CEP76: variants seen among roughly 807,000 people sequenced by gnomAD.
CEP76 encodes centrosomal protein of 76 kDa.
In CEP76, 55 loss-of-function variants were observed where a neutral mutation model predicts 83.3. The observed-to-expected ratio is 0.66, with a 90% CI of 0.53 to 0.83. The LOEUF (loss-of-function observed/expected upper bound fraction) is 0.83, where lower values mean the gene tolerates loss of function less well. CEP76 is among the 40% of genes least tolerant of loss of function. The probability of loss-of-function intolerance (pLI) is 0.00; values close to 1 mark genes in which losing one functional copy is unlikely to be tolerated. For missense variants in CEP76, 694 were observed against 799.5 expected, an observed-to-expected ratio of 0.87 and a Z score of 1.59; for synonymous variants, 270 against 274.5, an observed-to-expected ratio of 0.98 and a Z score of 0.16.
At chr18:12,684,188 C>A (rs2039456742) in intron 8 of CEP76, 1 of 152,038 alleles carries the variant, frequency 6.6e-6, no homozygotes, top group African/African-American at 2.4e-5. Context: ...CAAGGATGAT[C>A]TCGATCTCCT....
chr18:12,697,346 C>T lies in CEP76; in HGVS notation c.583G>A (p.Val195Met). Residue 195 changes from valine to methionine, a missense_variant, in exon 5 of 12, where the codon GTG (valine) becomes ATG (methionine). Coordinates refer to ENST00000262127, the MANE Select transcript of CEP76 (RefSeq NM_024899.4). ...CCAAATATGTCTGTTTTGATTAGCA[C>T]CATATGAATTGGATCACTTATTGAT... is the stretch of plus-strand genomic sequence containing the variant. Reference protein sequence around the residue: ...MLSISDPIHMVLIKTDIFGET... With the variant: ...MLSISDPIHMMLIKTDIFGET... The T allele has an allele frequency of 1.2e-6, 2 of 1,613,506 alleles. No individual in the cohort carries two copies. Among genetic ancestry groups the T allele is most frequent in the Non-Finnish European group, 1.7e-6 (2 of 1,179,628 alleles).
At chr18:12,702,730 C>CCGG (rs1170610508), upstream of CEP76, 116 of 650,756 alleles carry the variant, frequency 1.8e-4, 1 homozygote, top group African/African-American at 1.8e-3. Context: ...AAATGAGGCC[C>CCGG]CGGCGGCGGC....
intron 6 of CEP76, among the ~76,000 whole-genome samples, chr18:12,693,809 G>A (rs577145523): frequency 1.2e-3 from 179 of 152,046 alleles, no homozygotes; most frequent in African/African-American, 4.0e-3. Context: ...AACCCCTCAC[G>A]TATACACATA....
chr18:12,677,843 T>A (rs1239109102), intron 10 of CEP76, among the ~76,000 whole-genome samples: 1 of 152,196 alleles, frequency 6.6e-6, no homozygotes, highest in East Asian at 1.9e-4. Flanking sequence ...GCAAAAATCT[T>A]GACTCTAAGG....
Position 12,686,261 on chromosome 18 carries a change from C to T in CEP76, c.1122+1G>A. 6.2e-7 allele frequency: 1 copy of T among 1,609,044 alleles called. No individual in the cohort carries two copies. Among genetic ancestry groups the T allele is most frequent in the Non-Finnish European group, 8.5e-7 (1 of 1,176,000 alleles). ...TTAATTCTATTATGTGTGTATAATA[C>T]CTTGTTTCTACAGAGAAAGGCCAGC... On this transcript the variant is annotated splice_donor_variant, in intron 8 of 11. Coordinates refer to ENST00000262127, the MANE Select transcript of CEP76 (RefSeq NM_024899.4). LOFTEE classifies it high-confidence loss of function.
At chr18:12,675,212 A>G (rs1043290170) in intron 10 of CEP76, among the ~76,000 whole-genome samples, 1 of 152,066 alleles carries the variant, frequency 6.6e-6, no homozygotes, top group Non-Finnish European at 1.5e-5. Context: ...CTGGCTAACA[A>G]GGTGAAACCC....
chr18:12,683,297 A>G (rs2145030549), intron 8 of CEP76, among the ~76,000 whole-genome samples: 1 of 150,132 alleles, frequency 6.7e-6, no homozygotes, highest in East Asian at 2.0e-4. Flanking sequence ...GGTTGCAGTG[A>G]GTCGAGATCG....
chr18:12,692,723 G>T (rs966288270), intron 6 of CEP76, among the ~76,000 whole-genome samples: 8 of 152,216 alleles, frequency 5.3e-5, no homozygotes, highest in Admixed American at 3.9e-4. Context: ...TTGAGAGCAA[G>T]CTGTCTAGCT....
rs1334933664 is a variant in CEP76, at chr18:12,702,493, A to G, written c.56T>C (p.Leu19Pro). The change falls in exon 1 of 12, where the codon CTG becomes CCG. Residue 19 changes from leucine to proline, a missense_variant. Coordinates refer to ENST00000262127, the MANE Select transcript of CEP76 (RefSeq NM_024899.4). ...SELKQLIHQQ[L>P]SKMDVHGRIR... Reference sequence around the variant, plus strand: ...AGCACCCGCGACTCTCACCTTGCTCAGCTGCTGGTGGATGAGCTGCTTCAG... The same window carrying G: ...AGCACCCGCGACTCTCACCTTGCTCGGCTGCTGGTGGATGAGCTGCTTCAG... The G allele has an allele frequency of 6.2e-7, 1 of 1,608,774 alleles. No individual in the cohort carries two copies. The highest frequency in any genetic ancestry group is 1.3e-5 in the African/African-American group (1 of 74,446).
chr18:12,688,886 G>C (rs955442650), intron 7 of CEP76, among the ~76,000 whole-genome samples: 1 of 152,000 alleles, frequency 6.6e-6, no homozygotes, highest in African/African-American at 2.4e-5. Context: ...AGGCCGAGGC[G>C]GGCGGGTCAT....
At chr18:12,691,306 T>C in intron 7 of CEP76, 53 bp downstream of exon 7, 2 of 1,157,572 alleles carry the variant, frequency 1.7e-6, no homozygotes, top group Non-Finnish European at 2.5e-6. Flanking sequence ...TTTACACACA[T>C]AACAGTAAAT....
Position 12,699,170 on chromosome 18 carries a change from A to T in CEP76, c.329T>A (p.Leu110His). ...NIDPTRRYLY[L>H]QVLGGKAFLE... ...GAAAGCTTTTCCACCCAAAACCTGAAGGTAAAGATACCTCCGTGTTGGATC... is the reference window on the plus strand; with the variant it reads ...GAAAGCTTTTCCACCCAAAACCTGATGGTAAAGATACCTCCGTGTTGGATC... The change falls in exon 4 of 12, where the codon CTT (leucine) becomes CAT (histidine). Residue 110 changes from leucine (L) to histidine (H), a missense_variant. Leu to His is a moderately conservative substitution (Grantham distance 99). Transcript: ENST00000262127. 1.9e-6 allele frequency: 3 copies of T among 1,614,014 alleles called. No homozygotes were observed. The highest frequency in any genetic ancestry group is 2.5e-6 in the Non-Finnish European group (3 of 1,179,876).
Position 12,686,243 on chromosome 18 carries a change from T to C in CEP76, c.1122+19A>G. ...ACTATGATATACTGCTACTTAATTC[T>C]ATTATGTGTGTATAATACCTTGTTT... On this transcript the variant is annotated intron_variant, in intron 8 of 11. Transcript: ENST00000262127. The C allele has an allele frequency of 6.3e-7, 1 of 1,587,376 alleles. No individual in the cohort carries two copies. Among genetic ancestry groups the C allele is most frequent in the Non-Finnish European group, 8.6e-7 (1 of 1,162,000 alleles).
intron 12 of CEP76, among the ~76,000 whole-genome samples, chr18:12,666,436 G>GTATTT (rs1555640544): frequency 7.9e-5 from 10 of 126,624 alleles, no homozygotes; most frequent in African/African-American, 2.6e-4. Context: ...AAATTTTATG[G>GTATTT]TTTTTTTTTT....
At chr18:12,690,798 T>C (rs1333512331) in intron 7 of CEP76, among the ~76,000 whole-genome samples, 1 of 152,066 alleles carries the variant, frequency 6.6e-6, no homozygotes, top group Non-Finnish European at 1.5e-5. Context: ...AGAGAGAAAA[T>C]GGGTTTAGGA....
At chr18:12,691,928 T>C (rs1252229873) in intron 6 of CEP76, among the ~76,000 whole-genome samples, 1 of 151,990 alleles carries the variant, frequency 6.6e-6, no homozygotes, top group African/African-American at 2.4e-5. Context: ...ACCACATTGG[T>C]CAAGCTAGTC....
At chr18:12,668,972 C>T (rs1420809757), downstream of CEP76, among the ~76,000 whole-genome samples, 2 of 148,972 alleles carry the variant, frequency 1.3e-5, no homozygotes, top group Non-Finnish European at 3.0e-5. Context: ...AACTCCTGAT[C>T]CAGGTGATCT....
intron 9 of CEP76, among the ~76,000 whole-genome samples, chr18:12,678,861 CAGG>C (rs936471120): frequency 9.2e-5 from 14 of 152,050 alleles, no homozygotes; most frequent in Admixed American, 4.6e-4. Context: ...GAGGCTAAGC[CAGG>C]AGAATTGCTT....
At chr18:12,690,677 G>C (rs1177142745) in intron 7 of CEP76, among the ~76,000 whole-genome samples, 2 of 151,850 alleles carry the variant, frequency 1.3e-5, no homozygotes, top group South Asian at 2.1e-4. Context: ...GGATGGTCTC[G>C]ATCTCCTGAC....
Sources: allele counts gnomAD v4.1 joint callset (sites outside exome capture counted in the v4.1 genomes callset), GRCh38; gene constraint gnomAD v4.1.1; transcripts MANE v1.5; gene names NCBI Gene and HGNC (gene_info 2026-07-23, HGNC 2026-07-21).